The following SAMD12 variants were observed in gnomAD, a reference collection of about 807,000 sequenced individuals.
SAMD12 encodes the protein sterile alpha motif domain containing 12.
SAMD12 carries 9 observed loss-of-function variants against 15.0 expected under a neutral mutation model. That is an observed-to-expected ratio of 0.60 (90% confidence interval 0.36 to 1.05). The LOEUF (loss-of-function observed/expected upper bound fraction) is 1.05. SAMD12 is among the 50% of genes least tolerant of loss of function. SAMD12 has a pLI of 0.01. For synonymous variants in SAMD12, 86 were observed against 90.1 expected (o/e 0.96, Z 0.25); for missense variants, 230 against 234.2 (o/e 0.98, Z 0.12).
chr8:118,587,660 A>G (rs1827486159), intron 1 of SAMD12, among the ~76,000 whole-genome samples: 1 of 152,252 alleles, frequency 6.6e-6, no homozygotes, highest in African/African-American at 2.4e-5. Context: ...GAACTGCTAC[A>G]GTACATGCTG....
At chr8:118,567,394 C>A (rs1255544714) in intron 2 of SAMD12, among the ~76,000 whole-genome samples, 1 of 152,126 alleles carries the variant, frequency 6.6e-6, no homozygotes, top group Non-Finnish European at 1.5e-5. Context: ...AACTAACAAC[C>A]TCTAAGATGT....
At chr8:118,351,920 T>A (rs1225116063) in intron 4 of SAMD12, among the ~76,000 whole-genome samples, 1 of 152,208 alleles carries the variant, frequency 6.6e-6, no homozygotes, top group Non-Finnish European at 1.5e-5. Context: ...TGGCTCTTTG[T>A]CTTGAAGCCC....
chr8:118,221,588 T>C (rs1005310358), intron 4 of SAMD12, among the ~76,000 whole-genome samples: 1 of 152,070 alleles, frequency 6.6e-6, no homozygotes, highest in African/African-American at 2.4e-5. Context: ...GGGAGAGAGA[T>C]GGGGTTGTAG....
At chr8:118,259,440 T>G (rs1813027112) in intron 4 of SAMD12, among the ~76,000 whole-genome samples, 2 of 152,100 alleles carry the variant, frequency 1.3e-5, no homozygotes, top group South Asian at 4.1e-4. Flanking sequence ...CTAGGGATGC[T>G]GCAAGACATC....
intron 4 of SAMD12, among the ~76,000 whole-genome samples, chr8:118,231,642 CTT>C (rs1812312020): frequency 2.6e-5 from 4 of 152,194 alleles, no homozygotes; most frequent in Middle Eastern, 3.4e-3. Flanking sequence ...TTTTAAAACT[CTT>C]TATTGATTTA....
intron 3 of SAMD12, among the ~76,000 whole-genome samples, chr8:118,395,249 A>C (rs1820495534): frequency 1.3e-5 from 2 of 152,166 alleles, no homozygotes; most frequent in Non-Finnish European, 2.9e-5. Context: ...TTATATTTAC[A>C]AACACTCGCA....
At chr8:118,137,522 C>G in the SAMD12 span, among the ~76,000 whole-genome samples, 1 of 152,162 alleles carries the variant, frequency 6.6e-6, no homozygotes, top group South Asian at 2.1e-4. Flanking sequence ...CCTTTGGACC[C>G]TATTCTCCTG....
chr8:118,165,052 A>G, the SAMD12 span, among the ~76,000 whole-genome samples: 3 of 151,426 alleles, frequency 2.0e-5, no homozygotes, highest in Non-Finnish European at 4.4e-5. Context: ...GGTATCCTAC[A>G]GTTTAACTCA....
intron 2 of SAMD12, among the ~76,000 whole-genome samples, chr8:118,476,268 A>G (rs2515004): frequency 0.82 from 124,452 of 152,168 alleles, 51,270 homozygotes; most frequent in African/African-American, 0.92. Context: ...CTCAAAGTCT[A>G]GGTAAACTGA....
intron 4 of SAMD12, among the ~76,000 whole-genome samples, chr8:118,228,888 A>G (rs561954119): frequency 1.3e-5 from 2 of 152,366 alleles, no homozygotes; most frequent in South Asian, 2.1e-4. Context: ...GAACAAATAC[A>G]AATGCCCATC....
At chr8:118,379,819 T>C in intron 3 of SAMD12, 119 bp from the exon 4 acceptor site, 1 of 1,248,488 alleles carries the variant, frequency 8.0e-7, no homozygotes, top group Non-Finnish European at 1.1e-6. Flanking sequence ...ACAGACATTT[T>C]AGAATAAAGG....
chr8:118,326,837 G>A (rs1816588234), intron 4 of SAMD12, among the ~76,000 whole-genome samples: 1 of 152,110 alleles, frequency 6.6e-6, no homozygotes, highest in East Asian at 1.9e-4. Flanking sequence ...CATTCTTTTG[G>A]GACAGGGGGA....
chr8:118,374,073 T>C (rs982425371), downstream of SAMD12, among the ~76,000 whole-genome samples: 11 of 152,074 alleles, frequency 7.2e-5, no homozygotes, highest in African/African-American at 2.4e-4. Context: ...ATTAAGTATA[T>C]CTAAGTTGTT....
chr8:118,213,223 C>T (rs1180201446), intron 4 of SAMD12, among the ~76,000 whole-genome samples: 2 of 152,142 alleles, frequency 1.3e-5, no homozygotes, highest in Non-Finnish European at 2.9e-5. Flanking sequence ...TTTTTTCTCC[C>T]TCCTGCTTCC....
intron 4 of SAMD12, among the ~76,000 whole-genome samples, chr8:118,254,297 T>C (rs1812882736): frequency 6.6e-6 from 1 of 152,140 alleles, no homozygotes; most frequent in South Asian, 2.1e-4. Flanking sequence ...AGCCGGGGGT[T>C]GACAGGAGGG....
intron 4 of SAMD12, among the ~76,000 whole-genome samples, chr8:118,214,266 G>A (rs1362769245): frequency 6.6e-6 from 1 of 152,198 alleles, no homozygotes; most frequent in African/African-American, 2.4e-5. Context: ...GGTTCCATAT[G>A]GAGGCAGAAA....
chr8:118,155,516 C>G, the SAMD12 span, among the ~76,000 whole-genome samples: 1 of 152,218 alleles, frequency 6.6e-6, no homozygotes, highest in African/African-American at 2.4e-5. Context: ...GGTGCCCAAT[C>G]AGTGCTCACT....
chr8:118,437,872 T>C (rs1367141420), intron 3 of SAMD12, among the ~76,000 whole-genome samples: 1 of 152,190 alleles, frequency 6.6e-6, no homozygotes, highest in East Asian at 1.9e-4. Flanking sequence ...CAAACCATTA[T>C]AAATGCTTAT....
At position 118,576,374 on chromosome 8, in the gene SAMD12, C is replaced by T. The variant is rs560756851; in HGVS notation, c.192+4341G>A. ...ACTCACTCCAGCATTCAAATTCCATCACACAGTTTGGCCCCAGCCTATTGT... is the reference window on the plus strand; with the variant it reads ...ACTCACTCCAGCATTCAAATTCCATTACACAGTTTGGCCCCAGCCTATTGT... On this transcript the variant is annotated intron_variant, in intron 2 of 3. Coordinates refer to ENST00000314727, the MANE Select transcript of SAMD12 (RefSeq NM_207506.3). Among the ~76,000 whole-genome samples the T allele has an allele frequency of 8.5e-5, 13 of 152,316 alleles. No individual in the cohort carries two copies. In the South Asian group the frequency reaches 1.9e-3, roughly 22 times the overall value.
Sources: gnomAD v4.1 joint callset for allele counts (sites outside exome capture counted in the v4.1 genomes callset) on GRCh38, gnomAD v4.1.1 for gene constraint, MANE v1.5 for transcripts, NCBI Gene and HGNC (gene_info 2026-07-23, HGNC 2026-07-21) for gene names.